Variants in CDH13 observed in about 807,000 individuals in gnomAD.
CDH13 encodes the protein cadherin 13.
Under a neutral mutation model 63.8 loss-of-function variants are expected in CDH13, and 24 were observed. That is an observed-to-expected ratio of 0.38 (90% CI 0.27 to 0.53). The LOEUF (loss-of-function observed/expected upper bound fraction) is 0.53. Ranked by LOEUF, CDH13 falls within the 20% of genes least tolerant of loss-of-function variation. The pLI is 0.85. For synonymous variants in CDH13, 503 were observed against 355.3 expected, an observed-to-expected ratio of 1.42 and a Z score of -4.67; for missense variants, 1,049 against 903.1, an observed-to-expected ratio of 1.16 and a Z score of -2.07.
At chr16:83,261,547 A>G (rs1906994400) in intron 5 of CDH13, among the ~76,000 whole-genome samples, 1 of 151,786 alleles carries the variant, frequency 6.6e-6, no homozygotes, top group Admixed American at 6.6e-5. Context: ...TATTTCTCAT[A>G]TTTCTCCCCA....
At chr16:82,747,628 C>A (rs2034236900) in intron 1 of CDH13, among the ~76,000 whole-genome samples, 1 of 152,138 alleles carries the variant, frequency 6.6e-6, no homozygotes, top group Admixed American at 6.5e-5. Context: ...ATTCTGATGG[C>A]TAGAGTTTGA....
intron 1 of CDH13, among the ~76,000 whole-genome samples, chr16:82,801,355 G>T (rs1410619378): frequency 1.3e-5 from 2 of 152,152 alleles, no homozygotes; most frequent in Non-Finnish European, 2.9e-5. Context: ...GCTCCTCGAG[G>T]GACCTCTAGC....
At chr16:83,176,228 G>A (rs370475500) in intron 4 of CDH13, among the ~76,000 whole-genome samples, 1 of 151,688 alleles carries the variant, frequency 6.6e-6, no homozygotes, top group Non-Finnish European at 1.5e-5. Context: ...CTTAAAGATT[G>A]TGGCTACGCT....
At chr16:83,432,237 A>G (rs2072140942) in intron 6 of CDH13, among the ~76,000 whole-genome samples, 1 of 152,174 alleles carries the variant, frequency 6.6e-6, no homozygotes, top group South Asian at 2.1e-4. Context: ...AGAGAAATGA[A>G]TTACCAACAT....
At chr16:83,374,607 T>G (rs143224647) in intron 6 of CDH13, among the ~76,000 whole-genome samples, 2 of 152,324 alleles carry the variant, frequency 1.3e-5, no homozygotes, top group African/African-American at 2.4e-5. Context: ...CTTCAGGATA[T>G]GAGAAGATGC....
At chr16:82,816,185 T>C (rs534597573) in intron 1 of CDH13, among the ~76,000 whole-genome samples, 3 of 152,122 alleles carry the variant, frequency 2.0e-5, no homozygotes, top group Admixed American at 6.5e-5. Flanking sequence ...GAGCCCCTCC[T>C]GGAAGCAAAC....
chr16:83,204,771 A>G (rs560603147), intron 4 of CDH13, among the ~76,000 whole-genome samples: 1 of 152,218 alleles, frequency 6.6e-6, no homozygotes, highest in Non-Finnish European at 1.5e-5. Flanking sequence ...TCAGAAGGTT[A>G]GGTGGGAACT....
At chr16:83,307,595 G>A (rs550428380) in intron 5 of CDH13, among the ~76,000 whole-genome samples, 4 of 152,260 alleles carry the variant, frequency 2.6e-5, no homozygotes, top group Non-Finnish European at 4.4e-5. Context: ...TTGGGGTTTC[G>A]TTATGTTTGG....
intron 1 of CDH13, among the ~76,000 whole-genome samples, chr16:82,809,125 A>T (rs79896670): frequency 0.021 from 3,238 of 152,178 alleles, 98 homozygotes; most frequent in African/African-American, 0.072. Flanking sequence ...CCAAATTATC[A>T]TTGCAAAGTG....
At chr16:82,890,256 G>A (rs990409796) in intron 2 of CDH13, among the ~76,000 whole-genome samples, 1 of 152,204 alleles carries the variant, frequency 6.6e-6, no homozygotes, top group Non-Finnish European at 1.5e-5. Context: ...CTCCAGGCAG[G>A]AGATCTTCAA....
chr16:82,694,647 G>A (rs563787829), intron 1 of CDH13, among the ~76,000 whole-genome samples: 1 of 152,170 alleles, frequency 6.6e-6, no homozygotes, highest in Admixed American at 6.5e-5. Context: ...CATGCTTCAT[G>A]TTACCAAAAT....
intron 3 of CDH13, among the ~76,000 whole-genome samples, chr16:83,104,699 T>A (rs2034677364): frequency 1.3e-5 from 2 of 152,284 alleles, no homozygotes; most frequent in South Asian, 4.1e-4. Context: ...AATGTTGAAT[T>A]TCAGTCGTAG....
chr16:83,348,847 A>G (rs979385486), intron 6 of CDH13, among the ~76,000 whole-genome samples: 53 of 152,240 alleles, frequency 3.5e-4, no homozygotes, highest in African/African-American at 1.3e-3. Flanking sequence ...TAAATGTACA[A>G]TGAATGCCTT....
chr16:83,291,319 C>T (rs1431954148), intron 5 of CDH13, among the ~76,000 whole-genome samples: 1 of 152,050 alleles, frequency 6.6e-6, no homozygotes, highest in Non-Finnish European at 1.5e-5. Context: ...CTTCATCTTC[C>T]AGGGAGAATT....
At chr16:83,235,728 A>T (rs2151808735) in intron 5 of CDH13, among the ~76,000 whole-genome samples, 1 of 152,276 alleles carries the variant, frequency 6.6e-6, no homozygotes, top group South Asian at 2.1e-4. Flanking sequence ...AATTATGTAG[A>T]TATTATTCAG....
chr16:83,323,081 T>A (rs1239779543), intron 5 of CDH13, among the ~76,000 whole-genome samples: 1 of 152,030 alleles, frequency 6.6e-6, no homozygotes, highest in African/African-American at 2.4e-5. Context: ...AGGTGGTGGT[T>A]AGCCCACGGT....
At chr16:83,516,658 A>G (rs2074704774) in intron 7 of CDH13, among the ~76,000 whole-genome samples, 1 of 152,212 alleles carries the variant, frequency 6.6e-6, no homozygotes, top group Admixed American at 6.5e-5. Flanking sequence ...AAAGGCAATG[A>G]TCAGAAGATA....
intron 1 of CDH13, among the ~76,000 whole-genome samples, chr16:82,788,219 C>T (rs375013673): frequency 2.6e-5 from 4 of 152,126 alleles, no homozygotes; most frequent in African/African-American, 9.7e-5. Flanking sequence ...TCTGCACAGG[C>T]GTTGTATATT....
chr16:82,757,870 C>G (rs540939973), intron 1 of CDH13, among the ~76,000 whole-genome samples: 2 of 152,142 alleles, frequency 1.3e-5, no homozygotes, highest in South Asian at 4.2e-4. Context: ...AAGATGGTCT[C>G]GATTTCTTGA....
Sources: allele counts gnomAD v4.1 joint callset (sites outside exome capture counted in the v4.1 genomes callset), GRCh38; gene constraint gnomAD v4.1.1; transcripts MANE v1.5; gene names NCBI Gene and HGNC (gene_info 2026-07-23, HGNC 2026-07-21).